The following CCNB3 variants were observed in gnomAD, a reference collection of about 807,000 sequenced individuals.
CCNB3 encodes cyclin B3.
A neutral mutation model predicts 68.0 loss-of-function variants in CCNB3; 12 were observed. The observed-to-expected ratio is 0.18, with a 90% CI of 0.11 to 0.29. CCNB3 has a LOEUF of 0.29. Among genes scored for constraint, CCNB3 ranks in the 10% least tolerant of loss-of-function variants. CCNB3 has a pLI of 1.00. For missense variants in CCNB3, 904 were observed against 993.1 expected (o/e 0.91, Z 1.21); for synonymous variants, 354 against 388.9 (o/e 0.91, Z 1.06).
At chrX:50,290,921 T>C (rs1248725046) in intron 4 of CCNB3, among the ~76,000 whole-genome samples, 1 of 111,956 alleles carries the variant, frequency 8.9e-6, no homozygotes, top group African/African-American at 3.2e-5. Flanking sequence ...AAGCCATTCC[T>C]AGGGTTGGGC....
chrX:50,298,864 AGTGTAT>A (rs1602211969), intron 5 of CCNB3, among the ~76,000 whole-genome samples: 2 of 111,179 alleles, frequency 1.8e-5, no homozygotes, highest in African/African-American at 6.5e-5. Flanking sequence ...GTCTTGGGAG[AGTGTAT>A]GTGTCGAAAA....
chrX:50,224,661 G>A (rs1407440187), intron 1 of CCNB3, among the ~76,000 whole-genome samples: 1 of 111,580 alleles, frequency 9.0e-6, no homozygotes, highest in Non-Finnish European at 1.9e-5. Flanking sequence ...GGTGACTTGT[G>A]TTATTGCTAC....
At chrX:50,279,450 A>G (rs1485259926) in intron 1 of CCNB3, among the ~76,000 whole-genome samples, 8 of 73,273 alleles carry the variant, frequency 1.1e-4, no homozygotes, top group Non-Finnish European at 2.1e-4. Flanking sequence ...ATATAAATAT[A>G]TAAATATATA....
At chrX:50,342,946 A>G (rs1032040249) in intron 9 of CCNB3, among the ~76,000 whole-genome samples, 5 of 111,393 alleles carry the variant, frequency 4.5e-5, no homozygotes, top group Non-Finnish European at 9.4e-5. Flanking sequence ...ACCTCAAGCA[A>G]TCCTCCTGCC....
At chrX:50,316,376 T>C (rs1557215768) in intron 8 of CCNB3, among the ~76,000 whole-genome samples, 1 of 112,329 alleles carries the variant, frequency 8.9e-6, no homozygotes, top group African/African-American at 3.2e-5. Flanking sequence ...ACCATTCACC[T>C]ATTGAAGGAC....
At chrX:50,321,664 A>T (rs1245494639) in intron 8 of CCNB3, among the ~76,000 whole-genome samples, 1 of 111,186 alleles carries the variant, frequency 9.0e-6, no homozygotes, top group Middle Eastern at 4.3e-3. Context: ...GTCTACTCTA[A>T]CATCAGTAGC....
rs1276684501 is a variant in CCNB3 at position 50,227,762 on chromosome X, A to C, written c.-113+22812A>C. Among the ~76,000 whole-genome samples, 36 of 30,106 alleles carry C rather than the reference A, an allele frequency of 1.2e-3. 1 individual carries two copies. The South Asian group carries it at 0.05, about 42-fold the overall frequency. 26.1% of individuals were successfully genotyped at this position (30,106 alleles called of 115,157 possible). Reference sequence around the variant, plus strand: ...ATAAATATGTATAGAGAGAATATATATAAATATATATAGAGAATATATATA... The same window carrying C: ...ATAAATATGTATAGAGAGAATATATCTAAATATATATAGAGAATATATATA... On this transcript the variant is annotated intron_variant, in intron 1 of 12. Transcript: ENST00000376042.
At chrX:50,221,847 T>C (rs1188880079) in intron 1 of CCNB3, among the ~76,000 whole-genome samples, 2 of 111,250 alleles carry the variant, frequency 1.8e-5, no homozygotes, top group African/African-American at 6.5e-5. Context: ...CTCTCGTTGA[T>C]TTGCCTAATA....
Position 50,311,000 on chromosome X carries a change from C to T in CCNB3, c.2831C>T (p.Ser944Phe). The change falls in exon 6 of 13, where the codon TCC becomes TTC. Residue 944 changes from serine (S) to phenylalanine (F), a missense_variant. Physicochemically the swap from Ser to Phe is radical, Grantham distance 155 (BLOSUM62 -2). Coordinates refer to ENST00000376042, the MANE Select transcript of CCNB3 (RefSeq NM_033031.3). ...NEKPTTGKEL[S>F]FKEPLALQES... ...AAACCCACCACTGGGAAGGAGTTGTCCTTCAAGGAGCCATTAGCCTTACAA... is the reference window on the plus strand; with the variant it reads ...AAACCCACCACTGGGAAGGAGTTGTTCTTCAAGGAGCCATTAGCCTTACAA... 3 of 1,211,131 alleles carry T rather than the reference C, an allele frequency of 2.5e-6. No individual in the cohort carries two copies. Among genetic ancestry groups the T allele is most frequent in the Non-Finnish European group, 3.4e-6 (3 of 895,280 alleles).
chrX:50,331,052 C>A (rs112384660), intron 8 of CCNB3, among the ~76,000 whole-genome samples: 2,956 of 111,637 alleles, frequency 0.026, 94 homozygotes, highest in African/African-American at 0.092. Context: ...CTTGTGCCCA[C>A]GTAGCAGGCC....
chrX:50,334,706 G>A (rs1183904893), intron 8 of CCNB3, among the ~76,000 whole-genome samples: 10 of 112,193 alleles, frequency 8.9e-5, no homozygotes, highest in African/African-American at 1.6e-4. Flanking sequence ...ACTGGGGGCC[G>A]ACATAAGTTT....
chrX:50,217,364 C>A (rs1935592260), intron 1 of CCNB3, among the ~76,000 whole-genome samples: 1 of 105,432 alleles, frequency 9.5e-6, no homozygotes, highest in East Asian at 3.0e-4. Context: ...ACCTCCGCCT[C>A]CCAGTTCGCG....
In CCNB3 at chrX:50,310,429, A is replaced by G. The variant is rs782418000; in HGVS notation, c.2260A>G (p.Thr754Ala). Reference sequence around the variant, plus strand: ...ACAATTATCTTTAAAGAAGAAGTCCACTTCTCATGGAAAAGTGTTCTTCCT... The same window carrying G: ...ACAATTATCTTTAAAGAAGAAGTCCGCTTCTCATGGAAAAGTGTTCTTCCT... Reference protein sequence around the residue: ...QTQLSLKKKSTSHGKVFFLKK... With the variant: ...QTQLSLKKKSASHGKVFFLKK... Residue 754 changes from threonine (T) to alanine (A), a missense_variant, in exon 6 of 13, where the codon ACT becomes GCT. Coordinates refer to ENST00000376042, the MANE Select transcript of CCNB3 (RefSeq NM_033031.3). The G allele has an allele frequency of 1.7e-6, 2 of 1,211,051 alleles. No homozygotes were observed. Among genetic ancestry groups the G allele is most frequent in the South Asian group, 3.5e-5 (2 of 56,767 alleles).
chrX:50,321,360 C>A (rs1254381462), intron 8 of CCNB3, among the ~76,000 whole-genome samples: 3 of 111,866 alleles, frequency 2.7e-5, no homozygotes, highest in African/African-American at 9.7e-5. Context: ...AGATTTGTTT[C>A]TTGCTTAGGA....
intron 8 of CCNB3, among the ~76,000 whole-genome samples, chrX:50,323,208 G>A (rs2147078250): frequency 9.0e-6 from 1 of 111,374 alleles, no homozygotes; most frequent in South Asian, 3.9e-4. Context: ...AGAAAATGTG[G>A]CACATATACA....
intron 8 of CCNB3, among the ~76,000 whole-genome samples, chrX:50,332,555 A>G (rs375644607): frequency 3.6e-5 from 4 of 111,510 alleles, no homozygotes; most frequent in African/African-American, 1.3e-4. Flanking sequence ...TAGACCAGTC[A>G]GCTTCCGGGT....
intron 5 of CCNB3, among the ~76,000 whole-genome samples, chrX:50,301,788 C>T (rs985881377): frequency 2.7e-5 from 3 of 112,794 alleles, no homozygotes; most frequent in Non-Finnish European, 5.6e-5. Context: ...CCACCCAGTT[C>T]GAGCTTCCTG....
At chrX:50,346,528 C>T (rs1923410034) in intron 9 of CCNB3, 124 bp from the exon 10 acceptor site, 2 of 712,201 alleles carry the variant, frequency 2.8e-6, no homozygotes, top group African/African-American at 4.3e-5. Flanking sequence ...GAAGCTGAGT[C>T]TCAGAGATAC....
chrX:50,303,857 T>C (rs1936703860), intron 5 of CCNB3, among the ~76,000 whole-genome samples: 1 of 111,553 alleles, frequency 9.0e-6, no homozygotes, highest in Non-Finnish European at 1.9e-5. Flanking sequence ...TAATTTGTTT[T>C]TTCTTTTGTT....
Sources: gnomAD v4.1 joint callset for allele counts (sites outside exome capture counted in the v4.1 genomes callset) on GRCh38, gnomAD v4.1.1 for gene constraint, MANE v1.5 for transcripts, NCBI Gene and HGNC (gene_info 2026-07-23, HGNC 2026-07-21) for gene names.